The following ZFAND3 variants were observed in gnomAD, a reference collection of about 807,000 sequenced individuals.
The protein encoded by ZFAND3 is zinc finger AN1-type containing 3.
Under a neutral mutation model 29.6 loss-of-function variants are expected in ZFAND3, and 10 were observed. That is an observed-to-expected ratio of 0.34 (90% CI 0.21 to 0.57). The LOEUF is 0.57. Ranked by LOEUF, ZFAND3 falls within the 20% of genes least tolerant of loss-of-function variation. The pLI is 0.86. For missense variants in ZFAND3, 230 were observed against 304.5 expected, an observed-to-expected ratio of 0.76 and a Z score of 1.82; for synonymous variants, 128 against 112.6, an observed-to-expected ratio of 1.14 and a Z score of -0.87.
At chr6:37,943,328 T>C (rs750082156) in intron 2 of ZFAND3, among the ~76,000 whole-genome samples, 31 of 152,158 alleles carry the variant, frequency 2.0e-4, no homozygotes, top group Admixed American at 4.6e-4. Context: ...AGTAAAGATA[T>C]TAAAGTTTAA....
intron 1 of ZFAND3, among the ~76,000 whole-genome samples, chr6:37,894,965 A>T (rs1168328049): frequency 6.6e-6 from 1 of 152,020 alleles, no homozygotes; most frequent in Admixed American, 6.5e-5. Flanking sequence ...CAGCTTTATT[A>T]TGTGATGTGC....
At chr6:37,938,955 G>A (rs1006824945) in intron 2 of ZFAND3, among the ~76,000 whole-genome samples, 8 of 152,156 alleles carry the variant, frequency 5.3e-5, no homozygotes, top group Admixed American at 3.3e-4. Context: ...TTTTAAGATA[G>A]TTTAGTCTGT....
chr6:38,046,092 A>AT, intron 2 of ZFAND3, among the ~76,000 whole-genome samples: 1 of 152,252 alleles, frequency 6.6e-6, no homozygotes, highest in East Asian at 1.9e-4. Flanking sequence ...TGACTGAACT[A>AT]TATCTCATTT....
At chr6:38,053,400 G>A (rs75761704) in intron 2 of ZFAND3, among the ~76,000 whole-genome samples, 9,378 of 151,394 alleles carry the variant, frequency 0.062, 360 homozygotes, top group Non-Finnish European at 0.087. Flanking sequence ...AGATGTTATC[G>A]AGTCTGGGCA....
chr6:37,909,686 C>G (rs1765486671), intron 1 of ZFAND3, among the ~76,000 whole-genome samples: 1 of 142,398 alleles, frequency 7.0e-6, no homozygotes, highest in African/African-American at 2.5e-5. Context: ...TTGTCCTCTG[C>G]ATTTCTGAAA....
intron 2 of ZFAND3, among the ~76,000 whole-genome samples, chr6:38,049,353 A>G (rs1763974373): frequency 6.6e-6 from 1 of 152,236 alleles, no homozygotes; most frequent in Non-Finnish European, 1.5e-5. Context: ...CACATGTATT[A>G]TCTGATCTGC....
chr6:37,882,620 C>T (rs1224649694), intron 1 of ZFAND3, among the ~76,000 whole-genome samples: 1 of 151,922 alleles, frequency 6.6e-6, no homozygotes, highest in Non-Finnish European at 1.5e-5. Flanking sequence ...CCCCACCACC[C>T]CCATTTGTTT....
intron 3 of ZFAND3, among the ~76,000 whole-genome samples, chr6:38,070,269 C>G (rs1156517693): frequency 6.6e-6 from 1 of 151,962 alleles, no homozygotes; most frequent in Admixed American, 6.5e-5. Context: ...ACTAAAAATA[C>G]AAAAATTAGC....
chr6:37,896,568 T>TTCTCTCTTTC (rs1424845909), intron 1 of ZFAND3, among the ~76,000 whole-genome samples: 1 of 145,636 alleles, frequency 6.9e-6, no homozygotes. Flanking sequence ...CTTTCTTTCT[T>TTCTCTCTTTC]TCTCTCTTTC....
intron 2 of ZFAND3, among the ~76,000 whole-genome samples, chr6:37,998,006 A>G (rs531042354): frequency 1.3e-4 from 20 of 152,282 alleles, no homozygotes; most frequent in Admixed American, 1.2e-3. Context: ...TCACAGAAAA[A>G]CCTGCATATG....
intron 5 of ZFAND3, among the ~76,000 whole-genome samples, chr6:38,128,465 T>C (rs1482322461): frequency 6.6e-6 from 1 of 152,214 alleles, no homozygotes. Flanking sequence ...TTATTTGTAG[T>C]GTTTTATCCC....
intron 2 of ZFAND3, among the ~76,000 whole-genome samples, chr6:38,019,165 G>C (rs916240261): frequency 9.2e-5 from 14 of 152,094 alleles, no homozygotes; most frequent in Non-Finnish European, 1.8e-4. Context: ...TCACCATCTT[G>C]GTCAGGCTGG....
chr6:37,837,425 G>A (rs1763988264), intron 1 of ZFAND3, among the ~76,000 whole-genome samples: 1 of 151,132 alleles, frequency 6.6e-6, no homozygotes, highest in Non-Finnish European at 1.5e-5. Flanking sequence ...CTGCTCTGTT[G>A]TTATTTTAGG....
intron 1 of ZFAND3, among the ~76,000 whole-genome samples, chr6:37,828,990 T>TA (rs913001081): frequency 2.6e-5 from 4 of 152,204 alleles, no homozygotes; most frequent in Non-Finnish European, 4.4e-5. Context: ...TGCTGAAATC[T>TA]AAAAAAACCA....
At chr6:38,117,325 A>T (rs1260557047) in intron 5 of ZFAND3, among the ~76,000 whole-genome samples, 1 of 129,956 alleles carries the variant, frequency 7.7e-6, no homozygotes, top group African/African-American at 3.0e-5. Flanking sequence ...AAGTGCTGGG[A>T]TTACAGGCAT....
chr6:37,852,699 G>A (rs1258675253), intron 1 of ZFAND3, among the ~76,000 whole-genome samples: 1 of 149,374 alleles, frequency 6.7e-6, no homozygotes, highest in East Asian at 2.0e-4. Flanking sequence ...ATTCTTATGT[G>A]TATTTCCTTT....
At chr6:37,994,160 A>G (rs1032932968) in intron 2 of ZFAND3, among the ~76,000 whole-genome samples, 2 of 152,124 alleles carry the variant, frequency 1.3e-5, no homozygotes, top group African/African-American at 4.8e-5. Flanking sequence ...TACAAAAAAT[A>G]TGATTACTTA....
chr6:37,859,715 A>T (rs377561037), intron 1 of ZFAND3, among the ~76,000 whole-genome samples: 2 of 152,162 alleles, frequency 1.3e-5, no homozygotes, highest in South Asian at 4.1e-4. Flanking sequence ...CTTGTACCTC[A>T]ATCAGTTTGT....
chr6:37,985,046 G>C (rs2645119), intron 2 of ZFAND3, among the ~76,000 whole-genome samples: 148,707 of 152,338 alleles, frequency 0.98, 72,705 homozygotes, highest in East Asian at 1. Flanking sequence ...TTTAGTTTTA[G>C]TTTCTCTCAG....
Sources: allele counts gnomAD v4.1 joint callset (sites outside exome capture counted in the v4.1 genomes callset), GRCh38; gene constraint gnomAD v4.1.1; transcripts MANE v1.5; gene names NCBI Gene and HGNC (gene_info 2026-07-23, HGNC 2026-07-21).